Variants in SLC9A7 observed in about 807,000 individuals in gnomAD.
The protein encoded by SLC9A7 is sodium/hydrogen exchanger 7.
A neutral mutation model predicts 52.6 loss-of-function variants in SLC9A7; 19 were observed. The observed-to-expected ratio is 0.36, with a 90% CI of 0.25 to 0.53. SLC9A7 has a LOEUF of 0.53. Among genes scored for constraint, SLC9A7 ranks in the 20% least tolerant of loss-of-function variants. SLC9A7 has a pLI of 0.91. For missense variants in SLC9A7, 455 were observed against 597.9 expected (o/e 0.76, Z 2.49); for synonymous variants, 226 against 252.1 (o/e 0.90, Z 0.98).
At chrX:46,680,710 T>TA (rs1250291243) in intron 2 of SLC9A7, among the ~76,000 whole-genome samples, 10 of 112,751 alleles carry the variant, frequency 8.9e-5, no homozygotes, top group Non-Finnish European at 1.7e-4. Context: ...ATAAACATGC[T>TA]AATCTTTTTA....
rs373308682 is a variant in SLC9A7 at position 46,631,633 on chromosome X, C to A, written c.1693G>T (p.Asp565Tyr). 1.2e-5 allele frequency: 15 copies of A among 1,208,201 alleles called. No individual in the cohort carries two copies. Among genetic ancestry groups the A allele is most frequent in the Non-Finnish European group, 1.7e-5 (15 of 892,857 alleles). The change falls in exon 14 of 17, where the codon GAT becomes TAT. Residue 565 changes from aspartate (D) to tyrosine (Y), a missense_variant. Physicochemically the swap from Asp to Tyr is radical, Grantham distance 160. Coordinates refer to ENST00000616978, the MANE Select transcript of SLC9A7 (RefSeq NM_001257291.2). ...WQYFRVGVDP[D>Y]QDPPPNNDSF... ...TCGTTGTTGGGTGGTGGGTCTTGAT[C>A]GGGGTCAACACCAACTCTGAAAGTC...
intron 3 of SLC9A7, among the ~76,000 whole-genome samples, chrX:46,675,257 T>G (rs943146473): frequency 9.0e-6 from 1 of 110,747 alleles, no homozygotes; most frequent in African/African-American, 3.3e-5. Flanking sequence ...AAAGCCCAGG[T>G]CTGCATGATA....
In SLC9A7 at chrX:46,750,373, G is replaced by A. The variant is rs772065689; in HGVS notation, c.325+8332C>T. ...AACATTTTTATTTTTTGGAGACAGG[G>A]TCTCACTCTGTTGCCCAAACTGGAG... On this transcript the variant is annotated intron_variant, in intron 1 of 16. Transcript: ENST00000616978. 5.4e-5 allele frequency among the ~76,000 whole-genome samples: 6 copies of A among 111,999 alleles called. No individual in the cohort carries two copies. In the South Asian group the frequency reaches 2.2e-3, roughly 42 times the overall value.
intron 14 of SLC9A7, among the ~76,000 whole-genome samples, chrX:46,625,445 C>T (rs184637820): frequency 1.4e-3 from 153 of 111,005 alleles, no homozygotes; most frequent in African/African-American, 4.7e-3. Context: ...CATAGTGGCT[C>T]ACGCCTGTAA....
intron 1 of SLC9A7, among the ~76,000 whole-genome samples, chrX:46,683,392 G>A (rs1207640998): frequency 1.8e-5 from 2 of 111,425 alleles, no homozygotes; most frequent in African/African-American, 6.5e-5. Flanking sequence ...TAGGTCATTT[G>A]AAACACTGGT....
chrX:46,712,380 A>G (rs756713053), intron 1 of SLC9A7, among the ~76,000 whole-genome samples: 1 of 110,911 alleles, frequency 9.0e-6, no homozygotes, highest in African/African-American at 3.3e-5. Context: ...GGAGCAAGTG[A>G]GAGAGTGGGG....
intron 1 of SLC9A7, among the ~76,000 whole-genome samples, chrX:46,754,323 T>C (rs1182636304): frequency 9.0e-6 from 1 of 111,499 alleles, no homozygotes; most frequent in African/African-American, 3.3e-5. Flanking sequence ...AAGAGGAAGC[T>C]AAGGCTCAGA....
chrX:46,626,454 T>C (rs1373320311), intron 14 of SLC9A7, among the ~76,000 whole-genome samples: 1 of 112,058 alleles, frequency 8.9e-6, no homozygotes, highest in East Asian at 2.8e-4. Context: ...TTTGTATTTT[T>C]AGTAGAGATG....
chrX:46,732,688 A>T (rs1326708153), intron 1 of SLC9A7, among the ~76,000 whole-genome samples: 3 of 112,376 alleles, frequency 2.7e-5, no homozygotes, highest in African/African-American at 9.7e-5. Context: ...AATGTCATCT[A>T]AAATTGCAAA....
At chrX:46,710,676 A>T (rs184884314) in intron 1 of SLC9A7, among the ~76,000 whole-genome samples, 1 of 111,400 alleles carries the variant, frequency 9.0e-6, no homozygotes, top group East Asian at 2.8e-4. Flanking sequence ...AGATGATGAG[A>T]TCATGCATGT....
At chrX:46,703,430 C>T (rs1361594515) in intron 1 of SLC9A7, among the ~76,000 whole-genome samples, 1 of 112,062 alleles carries the variant, frequency 8.9e-6, no homozygotes, top group African/African-American at 3.2e-5. Context: ...TCAGTGCTGT[C>T]TTTTCAGTTC....
At chrX:46,657,862 C>G (rs1270028682) in intron 7 of SLC9A7, among the ~76,000 whole-genome samples, 2 of 104,152 alleles carry the variant, frequency 1.9e-5, no homozygotes, top group South Asian at 4.5e-4. Flanking sequence ...CAGCTCTGCA[C>G]CAAGCGGACC....
intron 7 of SLC9A7, among the ~76,000 whole-genome samples, chrX:46,658,666 A>C (rs1198642830): frequency 4.8e-4 from 53 of 111,452 alleles, no homozygotes; most frequent in Non-Finnish European, 6.6e-4. Flanking sequence ...TCCCAGGACT[A>C]AACCAGGAAG....
In SLC9A7 at chrX:46,601,508, A is replaced by T. The variant is rs1942660506; in HGVS notation, c.*5444T>A. On this transcript the variant is annotated 3_prime_UTR_variant, in exon 17 of 17. Coordinates refer to ENST00000616978, the MANE Select transcript of SLC9A7 (RefSeq NM_001257291.2). ...GAGATACCCTTTTGCATGTTTTCTA[A>T]AGAGATTCCATTTGTCAGCCAAACC... The T allele has an allele frequency of 2.7e-5, 3 of 112,539 alleles. No homozygotes were observed. Among genetic ancestry groups the T allele is most frequent in the Non-Finnish European group, 5.6e-5 (3 of 53,281 alleles). 9.3% of individuals were successfully genotyped at this position (112,539 alleles called of 1,213,427 possible). A position where few individuals can be genotyped will look rare whatever the true frequency, so the allele number is the denominator to read the frequency against.
intron 7 of SLC9A7, among the ~76,000 whole-genome samples, chrX:46,655,737 G>A (rs934967519): frequency 3.6e-5 from 4 of 112,596 alleles, no homozygotes; most frequent in Admixed American, 9.3e-5. Context: ...ATGGAGTCTC[G>A]CTGATTGCTA....
At chrX:46,683,651 C>T (rs915314071) in intron 1 of SLC9A7, among the ~76,000 whole-genome samples, 1 of 111,383 alleles carries the variant, frequency 9.0e-6, no homozygotes, top group African/African-American at 3.3e-5. Flanking sequence ...GCTCCCTGGA[C>T]CTGAACACGA....
chrX:46,727,271 A>G (rs936070045), intron 1 of SLC9A7, among the ~76,000 whole-genome samples: 1 of 112,330 alleles, frequency 8.9e-6, no homozygotes, highest in Non-Finnish European at 1.9e-5. Context: ...CAGTTGTGTT[A>G]CACTCAAGAG....
At chrX:46,651,244 G>A in intron 9 of SLC9A7, 21 bp from the exon 10 acceptor site, 10 of 1,181,385 alleles carry the variant, frequency 8.5e-6, no homozygotes, top group Non-Finnish European at 1.2e-5. Context: ...AAGGGAAAAG[G>A]AAGCTGTAAC....
chrX:46,695,814 G>A (rs982533591), intron 1 of SLC9A7, among the ~76,000 whole-genome samples: 8 of 109,577 alleles, frequency 7.3e-5, no homozygotes, highest in African/African-American at 2.3e-4. Flanking sequence ...ATATTTGCTC[G>A]CTGGCAATCA....
Sources: gnomAD v4.1 joint callset for allele counts (sites outside exome capture counted in the v4.1 genomes callset) on GRCh38, gnomAD v4.1.1 for gene constraint, MANE v1.5 for transcripts, NCBI Gene and HGNC (gene_info 2026-07-23, HGNC 2026-07-21) for gene names.